Variants in SLC11A2 observed in about 807,000 individuals in gnomAD.
SLC11A2 encodes solute carrier family 11 member 2.
In SLC11A2, 38 loss-of-function variants were observed where a neutral mutation model predicts 68.0. The ratio of observed to expected loss-of-function variants is 0.56; its 90% CI spans 0.43 to 0.73. The LOEUF (loss-of-function observed/expected upper bound fraction) is 0.73. Among genes scored for constraint, SLC11A2 ranks in the 30% least tolerant of loss-of-function variants. The probability of loss-of-function intolerance (pLI) is 0.00; values close to 1 mark genes in which losing one functional copy is unlikely to be tolerated. For synonymous variants in SLC11A2, 242 were observed against 250.6 expected (o/e 0.97, Z 0.32); for missense variants, 517 against 690.5 (o/e 0.75, Z 2.82).
chr12:51,024,592 A>T (rs1592466241), intron 1 of SLC11A2: 1 of 152,912 alleles, frequency 6.5e-6, no homozygotes, highest in African/African-American at 2.4e-5. Context: ...CAGAGGTTGC[A>T]GTGAGCCGAG....
In SLC11A2 at chr12:50,992,318, A is replaced by T. The variant is rs748246644; in HGVS notation, c.1219T>A (p.Ser407Thr). 3.1e-6 allele frequency: 5 copies of T among 1,614,070 alleles called. No individual in the cohort carries two copies. The Admixed American group carries it at 8.3e-5, about 27-fold the overall frequency. Residue 407 changes from serine to threonine, a missense_variant, in exon 13 of 16, where the codon TCA (serine) becomes ACA (threonine). By Grantham distance (58) the Ser-to-Thr change is moderately conservative. Transcript: ENST00000262052. Reference protein sequence around the residue: ...VMEGFLNLKWSRFARVVLTRS... With the variant: ...VMEGFLNLKWTRFARVVLTRS... ...GTCAGAACCACTCGGGCAAAGCGTG[A>T]CCACTTTAGGTTCAGGAATCCCTGG...
intron 3 of SLC11A2, 29 bp downstream of exon 3, chr12:51,008,447 G>A: frequency 6.3e-7 from 1 of 1,598,900 alleles, no homozygotes; most frequent in Non-Finnish European, 8.6e-7. Context: ...CCAGACAATA[G>A]TGTTCTCCTC....
chr12:50,981,663 G>A (rs536583175), downstream of SLC11A2: 620 of 1,075,860 alleles, frequency 5.8e-4, no homozygotes, highest in Non-Finnish European at 7.5e-4. Flanking sequence ...AGACGTTAAC[G>A]GGACACCTGG....
At chr12:50,979,883 A>C (rs1939920966), downstream of SLC11A2, 3 of 454,020 alleles carry the variant, frequency 6.6e-6, no homozygotes, top group Admixed American at 7.1e-5. Flanking sequence ...GCTCAAAGTC[A>C]CACAAAGGCT....
chr12:51,008,342 T>C (rs2136304693), intron 3 of SLC11A2, 134 bp downstream of exon 3: 3 of 689,022 alleles, frequency 4.4e-6, no homozygotes, highest in South Asian at 1.5e-5. Flanking sequence ...TATATATAGA[T>C]ATATAGATAT....
intron 7 of SLC11A2, 44 bp downstream of exon 7, chr12:50,999,301 A>G: frequency 1.2e-6 from 2 of 1,605,664 alleles, no homozygotes; most frequent in Non-Finnish European, 1.7e-6. Context: ...CTGCCACATG[A>G]CAGAGAGCAG....
intron 1 of SLC11A2, among the ~76,000 whole-genome samples, chr12:51,018,487 T>A (rs910918005): frequency 2.6e-5 from 4 of 151,838 alleles, no homozygotes; most frequent in Admixed American, 6.6e-5. Flanking sequence ...TTTTTTTTTT[T>A]AATCTACGGT....
At chr12:51,028,221 C>G (rs1204121885), upstream of SLC11A2, 4 of 1,535,298 alleles carry the variant, frequency 2.6e-6, no homozygotes, top group Non-Finnish European at 3.5e-6. Flanking sequence ...CTGCTTCTTC[C>G]TCATGGTGCA....
chr12:50,980,019 A>C (rs574185799), downstream of SLC11A2: 143 of 445,744 alleles, frequency 3.2e-4, no homozygotes, highest in African/African-American at 2.5e-3. Flanking sequence ...TGAGCTCATG[A>C]GTTCAACACC....
downstream of SLC11A2, among the ~76,000 whole-genome samples, chr12:50,975,739 C>T (rs140747646): frequency 5.9e-5 from 9 of 151,912 alleles, no homozygotes; most frequent in South Asian, 2.1e-4. Context: ...ATTGATAGAC[C>T]GCTAGCAAGA....
chr12:51,011,559 T>G (rs796806430), intron 1 of SLC11A2, among the ~76,000 whole-genome samples: 1 of 149,658 alleles, frequency 6.7e-6, no homozygotes, highest in Non-Finnish European at 1.5e-5. Context: ...GTTGTTTTTT[T>G]TTGTTTTTTT....
chr12:50,995,541 C>T, intron 10 of SLC11A2, 88 bp downstream of exon 10: 1 of 1,274,768 alleles, frequency 7.8e-7, no homozygotes, highest in Admixed American at 1.7e-5. Flanking sequence ...AACATTAACA[C>T]TAGGATGAGG....
chr12:50,962,681 A>G, the SLC11A2 span, among the ~76,000 whole-genome samples: 1 of 152,138 alleles, frequency 6.6e-6, no homozygotes, highest in African/African-American at 2.4e-5. Context: ...TGGGCATCAG[A>G]GCAAGACTCC....
the SLC11A2 span, among the ~76,000 whole-genome samples, chr12:50,961,916 T>C: frequency 1.3e-5 from 2 of 152,214 alleles, no homozygotes; most frequent in African/African-American, 4.8e-5. Context: ...GAAGCCTTAC[T>C]ACAAAGTTAC....
chr12:51,005,145 G>C (rs1942610984), intron 4 of SLC11A2, among the ~76,000 whole-genome samples, 166 bp downstream of exon 4: 1 of 152,232 alleles, frequency 6.6e-6, no homozygotes, highest in Non-Finnish European at 1.5e-5. Context: ...AGGAAACTAT[G>C]TGGATAAAAA....
At chr12:51,002,659 G>C (rs1433419871) in intron 5 of SLC11A2, among the ~76,000 whole-genome samples, 3 of 31,072 alleles carry the variant, frequency 9.7e-5, no homozygotes, top group South Asian at 2.2e-3. Context: ...AAAAAGGGCA[G>C]AGCCAGGCGC....
chr12:50,968,800 C>T, the SLC11A2 span, among the ~76,000 whole-genome samples: 1 of 151,898 alleles, frequency 6.6e-6, no homozygotes, highest in Non-Finnish European at 1.5e-5. Context: ...CCTTGGCCTC[C>T]CAAAGTGCTG....
chr12:50,982,167 A>C (rs1251008011), downstream of SLC11A2, among the ~76,000 whole-genome samples: 1 of 152,226 alleles, frequency 6.6e-6, no homozygotes, highest in Non-Finnish European at 1.5e-5. Flanking sequence ...TCAAATTCCC[A>C]ATGGTTTCAA....
At chr12:51,025,700 A>C (rs893769359) in intron 1 of SLC11A2, 1 of 954,788 alleles carries the variant, frequency 1.0e-6, no homozygotes. Flanking sequence ...CTGTAGAAAA[A>C]CCCTGCTCAT....
Sources: gnomAD v4.1 joint callset for allele counts (sites outside exome capture counted in the v4.1 genomes callset) on GRCh38, gnomAD v4.1.1 for gene constraint, MANE v1.5 for transcripts, NCBI Gene and HGNC (gene_info 2026-07-23, HGNC 2026-07-21) for gene names.